EFNB2: variants seen among roughly 807,000 people sequenced by gnomAD.
EFNB2 encodes the protein ephrin-B2.
Under a neutral mutation model 32.1 loss-of-function variants are expected in EFNB2, and 5 were observed. That is an observed-to-expected ratio of 0.16 (90% CI 0.08 to 0.33). The LOEUF (loss-of-function observed/expected upper bound fraction) is 0.33, where lower values mean the gene tolerates loss of function less well. EFNB2 is among the 10% of genes least tolerant of loss of function. The pLI, the probability that EFNB2 is intolerant of heterozygous loss-of-function variation, is 1.00. For missense variants in EFNB2, 263 were observed against 422.6 expected, an observed-to-expected ratio of 0.62 and a Z score of 3.31; for synonymous variants, 168 against 166.5, an observed-to-expected ratio of 1.01 and a Z score of -0.07.
Position 106,492,916 on chromosome 13 carries a change from G to A in EFNB2, c.*124C>T. 1 of 1,314,238 alleles carries A rather than the reference G, an allele frequency of 7.6e-7. No homozygotes were observed. The highest frequency in any genetic ancestry group is 1.0e-6 in the Non-Finnish European group (1 of 966,830). 81.4% of individuals were successfully genotyped at this position (1,314,238 alleles called of 1,614,324 possible). On this transcript the variant is annotated 3_prime_UTR_variant, in exon 5 of 5. Coordinates refer to ENST00000646441, the MANE Select transcript of EFNB2 (RefSeq NM_004093.4). The surrounding 1 kb of genome is among the most constrained non-coding windows in gnomAD (Gnocchi z 5.1). The stretch of plus-strand genomic sequence containing the variant: ...GCGCGACGGGCTCTTCCGAGGAGGA[G>A]TGTCCCTCTCCCCCGGTGCTGTGCT...
intron 2 of EFNB2, among the ~76,000 whole-genome samples, chr13:106,507,843 T>C (rs141981615): frequency 9.2e-5 from 14 of 152,330 alleles, no homozygotes; most frequent in East Asian, 5.8e-4. Context: ...TTACGGACTA[T>C]GCCACAAGAT....
At chr13:106,534,076 T>C (rs77329101) in intron 1 of EFNB2, among the ~76,000 whole-genome samples, 1,902 of 152,298 alleles carry the variant, frequency 0.012, 48 homozygotes, top group African/African-American at 0.044. Flanking sequence ...CAGTGTCGAC[T>C]GGGCAGGGCC....
Position 106,493,644 on chromosome 13 carries a change from G to T in EFNB2, c.614-216C>A, listed in dbSNP as rs1369185806. On this transcript the variant is annotated intron_variant, in intron 4 of 4. Transcript: ENST00000646441. This position sits in a 1 kb window ranked among gnomAD's most constrained non-coding sequence, Gnocchi z 6.1. Reference sequence around the variant, plus strand: ...CTTCCCTACCCTCCCAAGCCACAGGGTTTCCTTTGTATCATTATCCAGCAA... The same window carrying T: ...CTTCCCTACCCTCCCAAGCCACAGGTTTTCCTTTGTATCATTATCCAGCAA... Among the ~76,000 whole-genome samples the T allele has an allele frequency of 6.6e-6, 1 of 152,154 alleles. No homozygotes were observed. Among genetic ancestry groups the T allele is most frequent in the Non-Finnish European group, 1.5e-5 (1 of 68,024 alleles).
intron 2 of EFNB2, chr13:106,509,984 C>T (rs1879086360): frequency 6.6e-6 from 1 of 152,226 alleles, no homozygotes; most frequent in African/African-American, 2.4e-5. Flanking sequence ...AGCCCTGAGT[C>T]CTCCACCCAG....
rs1368423495 is a variant in EFNB2, at chr13:106,493,153, C to T, written c.889G>A (p.Asp297Asn). The T allele has an allele frequency of 6.2e-7, 1 of 1,614,162 alleles. No individual in the cohort carries two copies. Among genetic ancestry groups the T allele is most frequent in the South Asian group, 1.1e-5 (1 of 91,088 alleles). Residue 297 changes from aspartate (D) to asparagine (N), a missense_variant, in exon 5 of 5, where the codon GAC (aspartate) becomes AAC (asparagine). Physicochemically the swap from Asp to Asn is conservative, Grantham distance 23. Transcript: ENST00000646441. The surrounding 1 kb of genome is among the most constrained non-coding windows in gnomAD (Gnocchi z 6.1). ...SDIIIPLRTA[D>N]SVFCPHYEKV... is the part of the protein sequence containing the mutation. ...TCGTAGTGAGGGCAGAAGACGCTGT[C>T]CGCAGTCCTTAGCGGGATGATAATG...
At chr13:106,533,874 GACT>G (rs1162713903) in intron 1 of EFNB2, among the ~76,000 whole-genome samples, 1 of 152,188 alleles carries the variant, frequency 6.6e-6, no homozygotes, top group Non-Finnish European at 1.5e-5. Context: ...ATACCCAGAT[GACT>G]ACGAGTTATG....
At chr13:106,510,794 A>G (rs1265221672) in intron 2 of EFNB2, among the ~76,000 whole-genome samples, 1 of 152,194 alleles carries the variant, frequency 6.6e-6, no homozygotes, top group Non-Finnish European at 1.5e-5. Context: ...CGGAAGGATC[A>G]CAAGGTCAAG....
rs187631493 is a variant in EFNB2 at position 106,506,967 on chromosome 13, G to C, written c.406+5562C>G. Among the ~76,000 whole-genome samples, 418 of 152,274 alleles carry C rather than the reference G, an allele frequency of 2.7e-3. 12 individuals are homozygous for C. The highest frequency in any genetic ancestry group is 0.023 in the Admixed American group (345 of 15,292). On this transcript the variant is annotated intron_variant, in intron 2 of 4. Transcript: ENST00000646441. ...ATGTTGATCTGTTTCTCTTGGACAGGGGGAGGGTGGTGGTGGTGCTGTATC... is the reference window on the plus strand; with the variant it reads ...ATGTTGATCTGTTTCTCTTGGACAGCGGGAGGGTGGTGGTGGTGCTGTATC...
intron 1 of EFNB2, among the ~76,000 whole-genome samples, chr13:106,533,236 GGCAGCGGCGCC>G (rs1879941550): frequency 6.6e-6 from 1 of 151,058 alleles, no homozygotes; most frequent in Non-Finnish European, 1.5e-5. Context: ...GCACCGGGCG[GGCAGCGGCGCC>G]GCGGGCTCCC....
intron 1 of EFNB2, among the ~76,000 whole-genome samples, chr13:106,526,322 G>C (rs1381594334): frequency 6.6e-6 from 1 of 152,222 alleles, no homozygotes; most frequent in East Asian, 1.9e-4. Context: ...ATGCTGGATA[G>C]AAGTAGGGAC....
Position 106,499,789 on chromosome 13 carries a change from A to C in EFNB2, c.407-3949T>G, listed in dbSNP as rs377740770. Reference sequence around the variant, plus strand: ...TCCAGTTGGAAAATAGGCTTAATAAAGATACATGGGCATTTTACAGCCTGT... The same window carrying C: ...TCCAGTTGGAAAATAGGCTTAATAACGATACATGGGCATTTTACAGCCTGT... On this transcript the variant is annotated intron_variant, in intron 2 of 4. Coordinates refer to ENST00000646441, the MANE Select transcript of EFNB2 (RefSeq NM_004093.4). Among the ~76,000 whole-genome samples the C allele has an allele frequency of 3.3e-5, 5 of 152,312 alleles. 1 individual carries two copies. Among genetic ancestry groups the C allele is most frequent in the African/African-American group, 1.2e-4 (5 of 41,556 alleles).
At chr13:106,494,378 G>GT (rs1421735966) in intron 4 of EFNB2, among the ~76,000 whole-genome samples, 1 of 152,192 alleles carries the variant, frequency 6.6e-6, no homozygotes, top group Non-Finnish European at 1.5e-5. Flanking sequence ...TCAGGGACCT[G>GT]TTTAATATTT....
chr13:106,526,016 G>A (rs548189374), intron 1 of EFNB2, among the ~76,000 whole-genome samples: 3 of 149,432 alleles, frequency 2.0e-5, no homozygotes, highest in Admixed American at 6.6e-5. Flanking sequence ...GCATGGCCCT[G>A]AGGCAGCAGT....
At chr13:106,528,297 G>A (rs1331009700) in intron 1 of EFNB2, among the ~76,000 whole-genome samples, 2 of 152,040 alleles carry the variant, frequency 1.3e-5, no homozygotes, top group African/African-American at 4.8e-5. Flanking sequence ...CCATAGAAAC[G>A]AGAAAAACAG....
rs1007806121 is a variant in EFNB2 at position 106,490,278 on chromosome 13, C to T, written c.*2762G>A. On this transcript the variant is annotated 3_prime_UTR_variant, in exon 5 of 5. Coordinates refer to ENST00000646441, the MANE Select transcript of EFNB2 (RefSeq NM_004093.4). ...AATCCATAGACAGTAAAATCTGAAC[C>T]TATTTACAGCATCTTCACTGAAACA... 6.6e-6 allele frequency: 1 copy of T among 152,140 alleles called. No homozygotes were observed. Among genetic ancestry groups the T allele is most frequent in the African/African-American group, 2.4e-5 (1 of 41,410 alleles). The allele number at this position is 152,140 out of a possible 1,614,324, so 9.4% of individuals were successfully genotyped here.
intron 2 of EFNB2, among the ~76,000 whole-genome samples, chr13:106,500,971 G>A (rs1358402361): frequency 1.3e-5 from 2 of 152,082 alleles, no homozygotes; most frequent in African/African-American, 4.8e-5. Context: ...TCAAATCTGA[G>A]TGTCAAAAAA....
rs188959362 is a variant in EFNB2 at position 106,499,317 on chromosome 13, C to T, written c.407-3477G>A. ...CCCAATTATACCTCCTTCCTGGCAGCGAACTCTGAAATAAAACCACAAGAT... is the reference window on the plus strand; with the variant it reads ...CCCAATTATACCTCCTTCCTGGCAGTGAACTCTGAAATAAAACCACAAGAT... On this transcript the variant is annotated intron_variant, in intron 2 of 4. Coordinates refer to ENST00000646441, the MANE Select transcript of EFNB2 (RefSeq NM_004093.4). 1.7e-3 allele frequency among the ~76,000 whole-genome samples: 256 copies of T among 151,910 alleles called. 1 individual carries two copies. The highest frequency in any genetic ancestry group is 5.9e-3 in the African/African-American group (244 of 41,448).
In EFNB2 at chr13:106,493,364, G is replaced by C. The variant is rs756795444; in HGVS notation, c.678C>G (p.Ala226=). 4.8e-5 allele frequency: 78 copies of C among 1,614,006 alleles called. No homozygotes were observed. Among genetic ancestry groups the C allele is most frequent in the Non-Finnish European group, 6.4e-5 (76 of 1,180,028 alleles). The change falls in exon 5 of 5, where the codon GCC becomes GCG. Residue 226 remains alanine, a synonymous_variant. Transcript: ENST00000646441. The surrounding 1 kb of genome is among the most constrained non-coding windows in gnomAD (Gnocchi z 6.1). ...SGNNILGSEV[A]LFAGIASGCI... ...ATCCTGAAGCAATCCCTGCAAATAA[G>C]GCCACTTCGGAACCGAGGATGTTGT...
rs552843038 is a variant in EFNB2 at position 106,518,369 on chromosome 13, A to G, written c.123-5557T>C. 2 of 152,324 alleles carry G rather than the reference A, an allele frequency of 1.3e-5. No homozygotes were observed. The highest frequency in any genetic ancestry group is 2.1e-4 in the South Asian group (1 of 4,822). 9.4% of individuals were successfully genotyped at this position (152,324 alleles called of 1,614,324 possible). A position where few individuals can be genotyped will look rare whatever the true frequency, so the allele number is the denominator to read the frequency against. On this transcript the variant is annotated intron_variant, in intron 1 of 4. Coordinates refer to ENST00000646441, the MANE Select transcript of EFNB2 (RefSeq NM_004093.4). This position sits in a 1 kb window ranked among gnomAD's most constrained non-coding sequence, Gnocchi z 4.1. Reference sequence around the variant, plus strand: ...AAAAAAATTAGTCATTATGCAACACAATATTCTTTAATATTAATAGACTAG... The same window carrying G: ...AAAAAAATTAGTCATTATGCAACACGATATTCTTTAATATTAATAGACTAG...
Sources: gnomAD v4.1 joint callset for allele counts (sites outside exome capture counted in the v4.1 genomes callset) on GRCh38, gnomAD v4.1.1 for gene constraint, Gnocchi (gnomAD v3.1) non-coding constraint, MANE v1.5 for transcripts, NCBI Gene and HGNC (gene_info 2026-07-23, HGNC 2026-07-21) for gene names.